Variants in CTSG observed in about 807,000 individuals in gnomAD.
The protein encoded by CTSG is cathepsin G.
Under a neutral mutation model 23.0 loss-of-function variants are expected in CTSG, and 23 were observed. The ratio of observed to expected loss-of-function variants is 1.00; its 90% confidence interval spans 0.72 to 1.42. CTSG has a LOEUF of 1.42. Ranked by LOEUF, CTSG falls within the 40% of genes most tolerant of loss-of-function variation. CTSG has a pLI of 0.00. For missense variants in CTSG, 312 were observed against 326.2 expected (o/e 0.96, Z 0.33); for synonymous variants, 140 against 130.4 (o/e 1.07, Z -0.50).
intron 2 of CTSG, 127 bp from the exon 3 acceptor site, chr14:24,574,937 GCTCAGCTGTATCCTCTTT>G: frequency 8.1e-7 from 1 of 1,231,496 alleles, no homozygotes; most frequent in East Asian, 2.3e-5. Context: ...GGGCCCTGGG[GCTCAGCTGTATCCTCTTT>G]CTCAGCAGCT....
Position 24,574,662 on chromosome 14 carries a change from AG to A in CTSG, c.339+12del. 1 of 1,614,216 alleles carries A rather than the reference AG, an allele frequency of 6.2e-7. No individual in the cohort carries two copies. Among genetic ancestry groups the A allele is most frequent in the Admixed American group, 1.7e-5 (1 of 60,026 alleles). On this transcript the variant is annotated intron_variant, in intron 3 of 4. Coordinates refer to ENST00000216336, the MANE Select transcript of CTSG (RefSeq NM_001911.3). ...CACACTAGGAAGGAGCCAGAGGGCC[AG>A]GTAGGTGGTACCTGCAATAACATGA...
intron 2 of CTSG, 175 bp from the exon 3 acceptor site, chr14:24,574,985 G>C (rs1055353322): frequency 6.1e-6 from 5 of 825,102 alleles, no homozygotes; most frequent in Non-Finnish European, 7.5e-6. Flanking sequence ...GGATGACAGG[G>C]TGGTACTTGC....
chr14:24,575,305 G>T lies in CTSG; in HGVS notation c.163C>A (p.Arg55=), dbSNP rs1192844874. 1.9e-6 allele frequency: 3 copies of T among 1,613,956 alleles called. No homozygotes were observed. The highest frequency in any genetic ancestry group is 1.7e-5 in the Admixed American group (1 of 59,982). The change falls in exon 2 of 5, where the codon CGA becomes AGA. Residue 55 remains arginine (R), a synonymous_variant. Transcript: ENST00000216336. ...GCTGCTGTCAGCACAAAGTCTTCTC[G>T]CACCAGGAACCCTCCACATCTGCTC... ...GQSRCGGFLV[R]EDFVLTAAHC...
At chr14:24,575,564 G>C in intron 1 of CTSG, 152 bp from the exon 2 acceptor site, 1 of 799,106 alleles carries the variant, frequency 1.3e-6, no homozygotes, top group Non-Finnish European at 2.0e-6. Flanking sequence ...GAGTCTATGG[G>C]GCAGCAGATT....
rs1566552568 is a variant in CTSG at position 24,576,173 on chromosome 14, C to T, written c.51G>A (p.Glu17=). The T allele has an allele frequency of 1.2e-6, 2 of 1,609,892 alleles. No individual in the cohort carries two copies. The highest frequency in any genetic ancestry group is 1.7e-6 in the Non-Finnish European group (2 of 1,178,350). ...LLAFLLPTGA[E]AGEIIGGRES... ...AGGGTGGGGATGGTCACTCACCTGC[C>T]TCAGCCCCAGTGGGTAGGAGAAAGG... Residue 17 remains glutamate, a synonymous_variant, in exon 1 of 5, where the codon GAG becomes GAA. Transcript: ENST00000216336.
rs2066733677 is a variant in CTSG at position 24,574,807 on chromosome 14, A to G, written c.207T>C (p.Asn69=). 1 of 1,613,518 alleles carries G rather than the reference A, an allele frequency of 6.2e-7. No individual in the cohort carries two copies. Residue 69 remains asparagine, a synonymous_variant, in exon 3 of 5, where the codon AAT becomes AAC. Coordinates refer to ENST00000216336, the MANE Select transcript of CTSG (RefSeq NM_001911.3). ...TGTGGGCGCCCAGGGTGACATTTAT[A>G]TTGCTGCAAAAGCAAGAGGTAGGTC... The part of the protein sequence containing the change: ...VLTAAHCWGS[N]INVTLGAHNI...
chr14:24,575,288 C>G lies in CTSG; in HGVS notation c.180G>C (p.Leu60=). Residue 60 remains leucine, a synonymous_variant, in exon 2 of 5, where the codon CTG becomes CTC. Coordinates refer to ENST00000216336, the MANE Select transcript of CTSG (RefSeq NM_001911.3). ...GGFLVREDFV[L]TAAHCWGSNI... ...ACCTTCCCCAGCAATGAGCTGCTGTCAGCACAAAGTCTTCTCGCACCAGGA... is the reference window on the plus strand; with the variant it reads ...ACCTTCCCCAGCAATGAGCTGCTGTGAGCACAAAGTCTTCTCGCACCAGGA... 4 of 1,614,130 alleles carry G rather than the reference C, an allele frequency of 2.5e-6. No homozygotes were observed. Among genetic ancestry groups the G allele is most frequent in the Non-Finnish European group, 3.4e-6 (4 of 1,180,012 alleles).
At chr14:24,574,899 G>A in intron 2 of CTSG, 89 bp from the exon 3 acceptor site, 1 of 1,549,134 alleles carries the variant, frequency 6.5e-7, no homozygotes, top group Non-Finnish European at 8.8e-7. Flanking sequence ...GGGCAAGACT[G>A]CAGCTAACCA....
chr14:24,575,143 A>T (rs1426471704), intron 2 of CTSG, 122 bp downstream of exon 2: 1 of 1,140,960 alleles, frequency 8.8e-7, no homozygotes, highest in Admixed American at 2.0e-5. Flanking sequence ...CCTCCCGCAA[A>T]GACTCACTTG....
rs747255888 is a variant in CTSG at position 24,574,318 on chromosome 14, C to T, written c.521G>A (p.Arg174His). The T allele has an allele frequency of 1.7e-5, 27 of 1,603,124 alleles. No individual in the cohort carries two copies. The highest frequency in any genetic ancestry group is 8.9e-5 in the East Asian group (4 of 44,884). ...LRVQRDRQCL[R>H]IFGSYDPRRQ... ...TCGGGGGTCGTAGGAACCGAAGATGCGGAGGCACTGCCTATCCCTCTGCAC... is the reference window on the plus strand; with the variant it reads ...TCGGGGGTCGTAGGAACCGAAGATGTGGAGGCACTGCCTATCCCTCTGCAC... Residue 174 changes from arginine (R) to histidine (H), a missense_variant, in exon 4 of 5, where the codon CGC becomes CAC. Coordinates refer to ENST00000216336, the MANE Select transcript of CTSG (RefSeq NM_001911.3).
chr14:24,573,869 G>T, intron 4 of CTSG, 59 bp from the exon 5 acceptor site: 1 of 1,508,992 alleles, frequency 6.6e-7, no homozygotes, highest in South Asian at 1.2e-5. Context: ...GCTTCCCTGA[G>T]CTCCGGGCTC....
In CTSG at chr14:24,575,283, G is replaced by A; in HGVS notation, c.185C>T (p.Ala62Val). 1 of 1,614,094 alleles carries A rather than the reference G, an allele frequency of 6.2e-7. No individual in the cohort carries two copies. The highest frequency in any genetic ancestry group is 8.5e-7 in the Non-Finnish European group (1 of 1,180,014). Residue 62 changes from alanine (A) to valine (V), a missense_variant, in exon 2 of 5, where the codon GCA (alanine) becomes GTA (valine). Ala to Val is a moderately conservative substitution (Grantham distance 64). Transcript: ENST00000216336. ...TCCTCACCTTCCCCAGCAATGAGCT[G>A]CTGTCAGCACAAAGTCTTCTCGCAC... is the stretch of plus-strand genomic sequence containing the variant. ...FLVREDFVLT[A>V]AHCWGSNINV...
At chr14:24,573,941 G>T (rs2066727698) in intron 4 of CTSG, 131 bp from the exon 5 acceptor site, 1 of 851,552 alleles carries the variant, frequency 1.2e-6, no homozygotes. Flanking sequence ...ATGGAAGATC[G>T]GTGGGGTACA....
chr14:24,575,332 G>T lies in CTSG; in HGVS notation c.136C>A (p.Gln46Lys). ...ACCAGGAACCCTCCACATCTGCTCT[G>T]ACCTGCTGGACTCTGGATCTGAAGA... Reference protein sequence around the residue: ...AYLQIQSPAGQSRCGGFLVRE... With the variant: ...AYLQIQSPAGKSRCGGFLVRE... The change falls in exon 2 of 5, where the codon CAG (glutamine) becomes AAG (lysine). Residue 46 changes from glutamine to lysine, a missense_variant. By Grantham distance (53) the Gln-to-Lys change is moderately conservative (BLOSUM62 1). Coordinates refer to ENST00000216336, the MANE Select transcript of CTSG (RefSeq NM_001911.3). 1 of 1,614,146 alleles carries T rather than the reference G, an allele frequency of 6.2e-7. No homozygotes were observed. The highest frequency in any genetic ancestry group is 8.5e-7 in the Non-Finnish European group (1 of 1,180,020).
chr14:24,575,095 C>G, intron 2 of CTSG, 170 bp downstream of exon 2: 1 of 749,512 alleles, frequency 1.3e-6, no homozygotes, highest in Non-Finnish European at 2.1e-6. Context: ...TCTTTTTGAT[C>G]TTATCCTCCT....
At position 24,573,531 on chromosome 14, in the gene CTSG, A is replaced by G; in HGVS notation, c.*106T>C. The G allele has an allele frequency of 8.8e-7, 1 of 1,132,712 alleles. No homozygotes were observed. Among genetic ancestry groups the G allele is most frequent in the Middle Eastern group, 2.2e-4 (1 of 4,626 alleles). The allele number at this position is 1,132,712 out of a possible 1,614,324, so 70.2% of individuals were successfully genotyped here. Reference sequence around the variant, plus strand: ...ATCCAAACAAACTAAGTACTGAATGACGTTTAATGAACAAATGAGGAATTG... The same window carrying G: ...ATCCAAACAAACTAAGTACTGAATGGCGTTTAATGAACAAATGAGGAATTG... On this transcript the variant is annotated 3_prime_UTR_variant, in exon 5 of 5. Transcript: ENST00000216336.
intron 4 of CTSG, 102 bp from the exon 5 acceptor site, chr14:24,573,912 A>G (rs1196591930): frequency 1.0e-5 from 11 of 1,070,142 alleles, no homozygotes; most frequent in East Asian, 4.8e-5. Context: ...GGCCCCTTCA[A>G]TTGCTGGGTG....
chr14:24,575,499 A>G, intron 1 of CTSG, 87 bp from the exon 2 acceptor site: 2 of 1,464,000 alleles, frequency 1.4e-6, no homozygotes, highest in Non-Finnish European at 1.9e-6. Context: ...AGGCTGGAAG[A>G]TGGGGACGGC....
In CTSG at chr14:24,574,285, A is replaced by T; in HGVS notation, c.554T>A (p.Ile185Asn). The change falls in exon 4 of 5, where the codon ATT (isoleucine) becomes AAT (asparagine). Residue 185 changes from isoleucine (I) to asparagine (N), a missense_variant. By Grantham distance (149) the Ile-to-Asn change is moderately radical. Coordinates refer to ENST00000216336, the MANE Select transcript of CTSG (RefSeq NM_001911.3). ...CCGTTCCCGCCGGTCCCCCACACAAATCTGCCTTCGGGGGTCGTAGGAACC... is the reference window on the plus strand; with the variant it reads ...CCGTTCCCGCCGGTCCCCCACACAATTCTGCCTTCGGGGGTCGTAGGAACC... ...IFGSYDPRRQ[I>N]CVGDRRERKA... is the part of the protein sequence containing the mutation. The T allele has an allele frequency of 6.2e-7, 1 of 1,600,346 alleles. No homozygotes were observed. The highest frequency in any genetic ancestry group is 8.5e-7 in the Non-Finnish European group (1 of 1,179,896).
Sources: allele counts gnomAD v4.1 joint callset, GRCh38; gene constraint gnomAD v4.1.1; transcripts MANE v1.5; gene names NCBI Gene and HGNC (gene_info 2026-07-23, HGNC 2026-07-21).